KCNJ3: variants seen among roughly 807,000 people sequenced by gnomAD.
The protein encoded by KCNJ3 is G protein-activated inward rectifier potassium channel 1.
KCNJ3 carries 4 observed loss-of-function variants against 39.2 expected under a neutral mutation model. That is an observed-to-expected ratio of 0.10 (90% CI 0.05 to 0.23). The LOEUF is 0.23. Ranked by LOEUF, KCNJ3 falls within the 10% of genes least tolerant of loss-of-function variation. The pLI is 1.00. For synonymous variants in KCNJ3, 230 were observed against 237.4 expected (o/e 0.97, Z 0.29); for missense variants, 276 against 634.9 (o/e 0.43, Z 6.08).
intron 2 of KCNJ3, among the ~76,000 whole-genome samples, chr2:154,785,551 AC>A (rs1309964319): frequency 2.6e-5 from 4 of 152,170 alleles, no homozygotes; most frequent in African/African-American, 9.7e-5. Context: ...TGTGTTAGTT[AC>A]TAGGGGAGTG....
At position 154,855,440 on chromosome 2, in the gene KCNJ3, A is replaced by G; in HGVS notation, c.*127A>G. ...CCCAGTTCTACAAGCATATTTGAGA[A>G]CCCTTCCTTTCCCAAGTATTGCGAA... On this transcript the variant is annotated 3_prime_UTR_variant, in exon 3 of 3. Coordinates refer to ENST00000295101, the MANE Select transcript of KCNJ3 (RefSeq NM_002239.4). 1.5e-6 allele frequency: 1 copy of G among 678,060 alleles called. No individual in the cohort carries two copies. Among genetic ancestry groups the G allele is most frequent in the Non-Finnish European group, 2.4e-6 (1 of 408,392 alleles). The allele number at this position is 678,060 out of a possible 1,614,324, so 42.0% of individuals were successfully genotyped here.
chr2:154,852,188 TC>T (rs1296459898), intron 2 of KCNJ3, among the ~76,000 whole-genome samples: 4 of 152,198 alleles, frequency 2.6e-5, no homozygotes, highest in African/African-American at 4.8e-5. Context: ...ACATCAATTT[TC>T]AATGATTGAA....
intron 2 of KCNJ3, among the ~76,000 whole-genome samples, chr2:154,711,075 A>C (rs553546724): frequency 6.6e-6 from 1 of 152,134 alleles, no homozygotes; most frequent in Non-Finnish European, 1.5e-5. Flanking sequence ...TTTTAAGGGC[A>C]GTGAAAAAAG....
At chr2:154,725,523 C>G (rs1440749071) in intron 2 of KCNJ3, among the ~76,000 whole-genome samples, 1 of 152,034 alleles carries the variant, frequency 6.6e-6, no homozygotes, top group Non-Finnish European at 1.5e-5. Flanking sequence ...TGGTTCCACT[C>G]CCAGTGTTTT....
chr2:154,735,453 C>T (rs907521485), intron 2 of KCNJ3, among the ~76,000 whole-genome samples: 1 of 152,078 alleles, frequency 6.6e-6, no homozygotes, highest in Non-Finnish European at 1.5e-5. Flanking sequence ...TTAATGTAAA[C>T]CTCCTGAGAT....
At position 154,855,061 on chromosome 2, in the gene KCNJ3, G is replaced by T. The variant is rs755993501; in HGVS notation, c.1254G>T (p.Arg418Ser). ...AAGACTTTCCCAAAAAACTCTTGAG[G>T]ATGAGTTCTACAACTTCAGAAAAAG... ...GREDFPKKLL[R>S]MSSTTSEKAY... Residue 418 changes from arginine (R) to serine (S), a missense_variant, in exon 3 of 3, where the codon AGG becomes AGT. By Grantham distance (110) the Arg-to-Ser change is moderately radical. Around this residue, in one of 4 missense-constraint regions of KCNJ3, gnomAD observed 126 missense variants for 179.8 expected, o/e 0.70. Coordinates refer to ENST00000295101, the MANE Select transcript of KCNJ3 (RefSeq NM_002239.4). 2 of 1,614,032 alleles carry T rather than the reference G, an allele frequency of 1.2e-6. No individual in the cohort carries two copies. Among genetic ancestry groups the T allele is most frequent in the Non-Finnish European group, 1.7e-6 (2 of 1,179,952 alleles).
intron 2 of KCNJ3, among the ~76,000 whole-genome samples, chr2:154,794,873 A>C (rs904212619): frequency 5.3e-5 from 8 of 151,990 alleles, no homozygotes; most frequent in Admixed American, 3.3e-4. Flanking sequence ...TGAAGTACTG[A>C]ACATCCTTAA....
At chr2:154,779,023 A>C (rs1046091291) in intron 2 of KCNJ3, among the ~76,000 whole-genome samples, 6 of 152,104 alleles carry the variant, frequency 3.9e-5, no homozygotes, top group African/African-American at 1.4e-4. Context: ...ATTTCATAGG[A>C]GGGTGCTTGG....
intron 2 of KCNJ3, among the ~76,000 whole-genome samples, chr2:154,852,400 A>T (rs1156911305): frequency 6.6e-6 from 1 of 152,166 alleles, no homozygotes; most frequent in Admixed American, 6.5e-5. Context: ...CATCTCGAAA[A>T]ACATAAAAAT....
At chr2:154,734,987 A>C (rs2105170006) in intron 2 of KCNJ3, among the ~76,000 whole-genome samples, 1 of 152,284 alleles carries the variant, frequency 6.6e-6, no homozygotes, top group East Asian at 1.9e-4. Context: ...CTGTTCAATA[A>C]ACAAGTTCCA....
chr2:154,774,034 A>G (rs755117618), intron 2 of KCNJ3, among the ~76,000 whole-genome samples: 3 of 152,150 alleles, frequency 2.0e-5, no homozygotes, highest in Non-Finnish European at 2.9e-5. Flanking sequence ...TTCAAATGTA[A>G]TTTTGACATT....
chr2:154,715,274 T>C (rs1685162727), intron 2 of KCNJ3, among the ~76,000 whole-genome samples: 1 of 152,220 alleles, frequency 6.6e-6, no homozygotes, highest in Admixed American at 6.5e-5. Flanking sequence ...TGTACAACAC[T>C]ACTTTCATGA....
intron 2 of KCNJ3, among the ~76,000 whole-genome samples, chr2:154,757,793 G>T (rs544795834): frequency 2.6e-5 from 4 of 152,232 alleles, no homozygotes; most frequent in Admixed American, 2.6e-4. Context: ...GTGGTGCATT[G>T]TTGCTGTGTC....
At chr2:154,756,663 C>T (rs2921435) in intron 2 of KCNJ3, among the ~76,000 whole-genome samples, 7,243 of 151,632 alleles carry the variant, frequency 0.048, 325 homozygotes, top group African/African-American at 0.12. Context: ...CTAATGCAGA[C>T]GACAGGTTGA....
intron 2 of KCNJ3, among the ~76,000 whole-genome samples, chr2:154,713,172 T>C (rs951254186): frequency 1.3e-5 from 2 of 151,672 alleles, no homozygotes; most frequent in African/African-American, 4.8e-5. Context: ...TACGAAAGAG[T>C]AATAATTTAG....
intron 2 of KCNJ3, among the ~76,000 whole-genome samples, chr2:154,781,736 C>G (rs16838153): frequency 6.6e-6 from 1 of 151,894 alleles, no homozygotes; most frequent in Admixed American, 6.6e-5. Context: ...TTTACTTGCC[C>G]GAACCATTTA....
intron 2 of KCNJ3, among the ~76,000 whole-genome samples, chr2:154,754,953 G>A (rs935729732): frequency 3.3e-5 from 5 of 151,904 alleles, no homozygotes; most frequent in African/African-American, 1.2e-4. Flanking sequence ...ACTTTTTCTT[G>A]TGTTGGTTTT....
intron 2 of KCNJ3, among the ~76,000 whole-genome samples, chr2:154,721,090 T>G (rs770586821): frequency 6.6e-6 from 1 of 152,130 alleles, no homozygotes; most frequent in Non-Finnish European, 1.5e-5. Context: ...CATTTTAATT[T>G]TTCTACGTTC....
In KCNJ3 at chr2:154,699,742, A is replaced by G. The variant is rs1684854058; in HGVS notation, c.702+265A>G. ...CTTACTGGACTAGTAACACGTGAGG[A>G]CTGCTGTTGGCTCCTGGAGCCATGA... On this transcript the variant is annotated intron_variant, in intron 1 of 2. Transcript: ENST00000295101. This position sits in a 1 kb window ranked among gnomAD's most constrained non-coding sequence, Gnocchi z 6.4. Among the ~76,000 whole-genome samples the G allele has an allele frequency of 6.6e-6, 1 of 152,056 alleles. No homozygotes were observed. The highest frequency in any genetic ancestry group is 6.6e-5 in the Admixed American group (1 of 15,258).
Sources: allele counts gnomAD v4.1 joint callset (sites outside exome capture counted in the v4.1 genomes callset), GRCh38; gene constraint gnomAD v4.1.1; regional missense constraint gnomAD v4.1.1; non-coding constraint Gnocchi (gnomAD v3.1); transcripts MANE v1.5; gene names NCBI Gene and HGNC (gene_info 2026-07-23, HGNC 2026-07-21).